The following UBAP2L variants were observed in gnomAD, a reference collection of about 807,000 sequenced individuals.
UBAP2L encodes ubiquitin-associated protein 2-like.
UBAP2L carries 12 observed loss-of-function variants against 130.6 expected under a neutral mutation model. That is an observed-to-expected ratio of 0.09 (90% CI 0.06 to 0.15). The LOEUF (loss-of-function observed/expected upper bound fraction) is 0.15, where lower values mean the gene tolerates loss of function less well. Ranked by LOEUF, UBAP2L falls within the 10% of genes least tolerant of loss-of-function variation. The probability of loss-of-function intolerance (pLI) is 1.00; values close to 1 mark genes in which losing one functional copy is unlikely to be tolerated. For synonymous variants in UBAP2L, 503 were observed against 524.7 expected, an observed-to-expected ratio of 0.96 and a Z score of 0.57; for missense variants, 965 against 1,332.5, an observed-to-expected ratio of 0.72 and a Z score of 4.29.
At chr1:154,238,290 G>A (rs1025872808) in intron 8 of UBAP2L, among the ~76,000 whole-genome samples, 3 of 152,130 alleles carry the variant, frequency 2.0e-5, no homozygotes, top group East Asian at 1.9e-4. Context: ...ATTTAGTTAC[G>A]AAATGTCCTG....
intron 12 of UBAP2L, among the ~76,000 whole-genome samples, chr1:154,250,393 A>G (rs1484433815): frequency 6.6e-6 from 1 of 152,156 alleles, no homozygotes; most frequent in African/African-American, 2.4e-5. Context: ...ATCATGTTGA[A>G]GGAAACAACG....
chr1:154,225,339 T>C (rs1280958965), intron 2 of UBAP2L, 126 bp downstream of exon 2: 5 of 1,008,922 alleles, frequency 5.0e-6, no homozygotes, highest in Non-Finnish European at 7.3e-6. Flanking sequence ...TTTCTAGTCC[T>C]TGGCTCTTTT....
chr1:154,241,870 G>A (rs1673716916), intron 9 of UBAP2L: 1 of 684,584 alleles, frequency 1.5e-6, no homozygotes, highest in South Asian at 6.5e-5. Flanking sequence ...CAGAAGTGGA[G>A]TTAGGCAGGT....
At chr1:154,258,722 CTA>C in intron 20 of UBAP2L, 1 of 381,342 alleles carries the variant, frequency 2.6e-6, no homozygotes, top group Non-Finnish European at 4.8e-6. Context: ...TGTGTCTACT[CTA>C]TTGGTATCAA....
In UBAP2L at chr1:154,239,962, CTT is replaced by C. The variant is rs1672960772; in HGVS notation, c.704-1549_704-1548del. Among the ~76,000 whole-genome samples the C allele has an allele frequency of 2.6e-5, 4 of 152,136 alleles. No homozygotes were observed. The South Asian group carries it at 8.3e-4, about 31-fold the overall frequency. ...AATTTTAATATTTTCCTGGGAAAGT[CTT>C]TACAATGAATATATTTTCCTCTAAG... is the stretch of plus-strand genomic sequence containing the variant. On this transcript the variant is annotated intron_variant, in intron 8 of 26. Transcript: ENST00000428931.
At chr1:154,246,470 G>A in intron 11 of UBAP2L, 95 bp downstream of exon 11, 1 of 1,402,728 alleles carries the variant, frequency 7.1e-7, no homozygotes, top group South Asian at 1.4e-5. Context: ...TTTTTGGCAG[G>A]TGAAGCATCC....
At chr1:154,262,322 G>A (rs1004094867) in intron 24 of UBAP2L, among the ~76,000 whole-genome samples, 2 of 152,106 alleles carry the variant, frequency 1.3e-5, no homozygotes, top group Non-Finnish European at 2.9e-5. Context: ...GGCAGGGAGG[G>A]AATTGTAGGA....
At chr1:154,226,124 A>G (rs1049166308) in intron 2 of UBAP2L, among the ~76,000 whole-genome samples, 2 of 151,916 alleles carry the variant, frequency 1.3e-5, no homozygotes, top group African/African-American at 4.8e-5. Flanking sequence ...CCACCTTGAT[A>G]CCTCTCTAGC....
At chr1:154,243,750 C>T (rs1033120855) in intron 10 of UBAP2L, among the ~76,000 whole-genome samples, 8 of 152,156 alleles carry the variant, frequency 5.3e-5, no homozygotes, top group South Asian at 2.1e-4. Context: ...CATGAACCAC[C>T]GCGCCAGTTG....
chr1:154,226,514 G>A (rs1667982757), intron 2 of UBAP2L, among the ~76,000 whole-genome samples: 1 of 152,196 alleles, frequency 6.6e-6, no homozygotes, highest in South Asian at 2.1e-4. Context: ...ATTTCTAGTA[G>A]AATTATAATA....
chr1:154,251,166 G>A lies in UBAP2L; in HGVS notation c.1339G>A (p.Ala447Thr). The A allele has an allele frequency of 6.2e-7, 1 of 1,614,128 alleles. No homozygotes were observed. Among genetic ancestry groups the A allele is most frequent in the South Asian group, 1.1e-5 (1 of 91,086 alleles). Reference protein sequence around the residue: ...EKSPAVATSTAAPPPPSSPLP... With the variant: ...EKSPAVATSTTAPPPPSSPLP... ...GTCACCTGCAGTGGCTACCTCCACA[G>A]CTGCACCTCCACCTCCGTCTTCTCC... The change falls in exon 13 of 27, where the codon GCT becomes ACT. Residue 447 changes from alanine (A) to threonine (T), a missense_variant. Transcript: ENST00000428931.
chr1:154,238,891 C>T (rs995807049), intron 8 of UBAP2L, among the ~76,000 whole-genome samples: 1 of 152,080 alleles, frequency 6.6e-6, no homozygotes, highest in African/African-American at 2.4e-5. Flanking sequence ...CAGGTGCACG[C>T]CACCACGCCT....
At chr1:154,236,951 A>C (rs1008868042) in intron 7 of UBAP2L, 73 bp from the exon 8 acceptor site, 1 of 1,165,200 alleles carries the variant, frequency 8.6e-7, no homozygotes, top group African/African-American at 1.5e-5. Context: ...TGCAGTCAAG[A>C]TTTTGATTCT....
intron 3 of UBAP2L, among the ~76,000 whole-genome samples, chr1:154,227,713 A>AT (rs1189645589): frequency 6.6e-6 from 1 of 151,102 alleles, no homozygotes; most frequent in Admixed American, 6.6e-5. Flanking sequence ...TGCCTGGCTA[A>AT]TTTTTTGTAT....
At chr1:154,220,462 C>G, upstream of UBAP2L, 2 of 1,608,082 alleles carry the variant, frequency 1.2e-6, no homozygotes, top group Non-Finnish European at 1.7e-6. Flanking sequence ...CCTGGCTGGT[C>G]AGCCCAGGCT....
chr1:154,255,885 GA>G, intron 18 of UBAP2L, 130 bp downstream of exon 18: 1 of 1,108,186 alleles, frequency 9.0e-7, no homozygotes, highest in Non-Finnish European at 1.3e-6. Flanking sequence ...GAGGTTGCAG[GA>G]AAAGGAGTAA....
intron 24 of UBAP2L, among the ~76,000 whole-genome samples, chr1:154,262,912 A>G (rs1204258148): frequency 1.3e-5 from 2 of 152,116 alleles, no homozygotes; most frequent in African/African-American, 4.8e-5. Flanking sequence ...GACCAGGTTC[A>G]CGAATTTTAA....
intron 8 of UBAP2L, among the ~76,000 whole-genome samples, chr1:154,239,100 A>G (rs1381631653): frequency 6.6e-6 from 1 of 151,922 alleles, no homozygotes; most frequent in Non-Finnish European, 1.5e-5. Context: ...TGTTTTCCTG[A>G]TAGCAAACTT....
intron 1 of UBAP2L, among the ~76,000 whole-genome samples, chr1:154,222,107 A>G (rs575349269): frequency 2.2e-4 from 33 of 152,174 alleles, no homozygotes; most frequent in African/African-American, 7.5e-4. Context: ...ATTATTGTTA[A>G]CGTTTTTGCC....
Sources: allele counts gnomAD v4.1 joint callset (sites outside exome capture counted in the v4.1 genomes callset), GRCh38; gene constraint gnomAD v4.1.1; transcripts MANE v1.5; gene names NCBI Gene and HGNC (gene_info 2026-07-23, HGNC 2026-07-21).